Variants in USP49 observed in about 807,000 individuals in gnomAD.
USP49 encodes ubiquitin specific peptidase 49, also known as ubiquitin carboxyl-terminal hydrolase 49.
USP49 carries 24 observed loss-of-function variants against 58.6 expected under a neutral mutation model. The observed-to-expected ratio is 0.41, with a 90% CI of 0.30 to 0.58. The LOEUF is 0.58. Ranked by LOEUF, USP49 falls within the 20% of genes least tolerant of loss-of-function variation. The probability of loss-of-function intolerance (pLI) is 0.30; values close to 1 mark genes in which losing one functional copy is unlikely to be tolerated. For missense variants in USP49, 703 were observed against 866.1 expected, an observed-to-expected ratio of 0.81 and a Z score of 2.36; for synonymous variants, 408 against 365.1, an observed-to-expected ratio of 1.12 and a Z score of -1.34.
intron 3 of USP49, among the ~76,000 whole-genome samples, chr6:41,808,020 G>A (rs1360568330): frequency 6.6e-6 from 1 of 152,030 alleles, no homozygotes; most frequent in African/African-American, 2.4e-5. Context: ...TAAATGATCT[G>A]CCCGCCTCAG....
chr6:41,797,911 A>G, intron 7 of USP49: 1 of 785,548 alleles, frequency 1.3e-6, no homozygotes, highest in Non-Finnish European at 1.5e-6. Context: ...TCTGTTGCCC[A>G]GGCTAGAATG....
chr6:41,886,367 C>T (rs946984102), intron 2 of USP49: 4 of 152,170 alleles, frequency 2.6e-5, no homozygotes, highest in South Asian at 2.1e-4. Flanking sequence ...AATGCTGATT[C>T]GCTGTCAAGG....
At chr6:41,843,340 T>C (rs1773861976) in intron 3 of USP49, among the ~76,000 whole-genome samples, 1 of 152,228 alleles carries the variant, frequency 6.6e-6, no homozygotes, top group African/African-American at 2.4e-5. Flanking sequence ...GAGTTATAAT[T>C]TGTTTTACGT....
intron 5 of USP49, among the ~76,000 whole-genome samples, chr6:41,802,630 CTATT>C (rs1328972320): frequency 6.6e-6 from 1 of 151,246 alleles, no homozygotes; most frequent in Non-Finnish European, 1.5e-5. Context: ...GTAATCTAAA[CTATT>C]ATGTGACTGA....
intron 2 of USP49, among the ~76,000 whole-genome samples, chr6:41,879,474 T>C (rs578139819): frequency 4.6e-5 from 7 of 152,144 alleles, no homozygotes; most frequent in Non-Finnish European, 8.8e-5. Flanking sequence ...TGAATTGTGC[T>C]AAGACAAACC....
At chr6:41,884,445 T>C (rs1293825769) in intron 2 of USP49, among the ~76,000 whole-genome samples, 1 of 152,232 alleles carries the variant, frequency 6.6e-6, no homozygotes, top group African/African-American at 2.4e-5. Flanking sequence ...TAATGAGCAA[T>C]TTTTTAATTA....
intron 3 of USP49, among the ~76,000 whole-genome samples, chr6:41,815,885 T>C (rs756293249): frequency 6.6e-6 from 1 of 152,228 alleles, no homozygotes; most frequent in Non-Finnish European, 1.5e-5. Flanking sequence ...TGTAAGGTTA[T>C]GCCAGCATGA....
At chr6:41,867,182 C>T (rs543282945) in intron 3 of USP49, among the ~76,000 whole-genome samples, 1 of 152,188 alleles carries the variant, frequency 6.6e-6, no homozygotes, top group Non-Finnish European at 1.5e-5. Context: ...CTCCTAGTTC[C>T]TATATAAATG....
intron 3 of USP49, among the ~76,000 whole-genome samples, chr6:41,848,950 T>G (rs1015118280): frequency 9.9e-5 from 15 of 152,160 alleles, no homozygotes; most frequent in African/African-American, 3.6e-4. Flanking sequence ...CTTCTTGTCT[T>G]GGCCTGCCAA....
intron 3 of USP49, among the ~76,000 whole-genome samples, chr6:41,843,761 C>G (rs1002821925): frequency 1.3e-5 from 2 of 151,666 alleles, no homozygotes; most frequent in African/African-American, 4.8e-5. Flanking sequence ...TACAAAAAAT[C>G]GGCCGGGTGT....
intron 2 of USP49, among the ~76,000 whole-genome samples, chr6:41,881,234 T>G (rs781722350): frequency 2.3e-4 from 29 of 128,692 alleles, no homozygotes; most frequent in Middle Eastern, 5.3e-3. Flanking sequence ...GCCCGGCCCC[T>G]ACGCAGATTT....
intron 3 of USP49, among the ~76,000 whole-genome samples, chr6:41,843,388 G>A (rs1220588909): frequency 2.0e-5 from 3 of 151,996 alleles, no homozygotes; most frequent in Non-Finnish European, 4.4e-5. Flanking sequence ...GCATCATCAC[G>A]TTGGCTTTGT....
chr6:41,826,622 G>GT (rs1268848559), intron 3 of USP49, among the ~76,000 whole-genome samples: 1 of 151,828 alleles, frequency 6.6e-6, no homozygotes, highest in Non-Finnish European at 1.5e-5. Flanking sequence ...AGCAATTAAG[G>GT]TTTTATCTTC....
At chr6:41,830,829 A>C (rs948106806) in intron 3 of USP49, among the ~76,000 whole-genome samples, 1 of 149,978 alleles carries the variant, frequency 6.7e-6, no homozygotes, top group African/African-American at 2.5e-5. Flanking sequence ...TCTCAAGAGA[A>C]AAAAAAAAAA....
At position 41,793,158 on chromosome 6, in the gene USP49, ACT is replaced by A. The variant is rs1772826261; in HGVS notation, c.*3373_*3374del. ...GCCTTGCCATTAAAAACAAAAATAAACTCTGCTATTGAGTCCATAGGACACAT... is the reference window on the plus strand; with the variant it reads ...GCCTTGCCATTAAAAACAAAAATAAACTGCTATTGAGTCCATAGGACACAT... On this transcript the variant is annotated 3_prime_UTR_variant, in exon 8 of 8. Coordinates refer to ENST00000682992, the MANE Select transcript of USP49 (RefSeq NM_001286554.2). 1.3e-5 allele frequency: 2 copies of A among 151,092 alleles called. No homozygotes were observed. The highest frequency in any genetic ancestry group is 3.9e-4 in the East Asian group (2 of 5,158). 9.4% of individuals were successfully genotyped at this position (151,092 alleles called of 1,614,324 possible).
intron 3 of USP49, among the ~76,000 whole-genome samples, chr6:41,820,024 T>C (rs1182512509): frequency 6.6e-6 from 1 of 152,224 alleles, no homozygotes; most frequent in Non-Finnish European, 1.5e-5. Context: ...GGAGTGGATT[T>C]GCTCCAGATT....
At position 41,806,590 on chromosome 6, in the gene USP49, C is replaced by A. The variant is rs750669118; in HGVS notation, c.394G>T (p.Ala132Ser). The A allele has an allele frequency of 6.2e-7, 1 of 1,605,280 alleles. No homozygotes were observed. The highest frequency in any genetic ancestry group is 8.5e-7 in the Non-Finnish European group (1 of 1,177,930). ...SGEDVVLPQR[A>S]PQGQPQMLTA... Reference sequence around the variant, plus strand: ...AGCATCTGCGGCTGTCCCTGAGGAGCGCGCTGCGGCAGGACCACGTCCTCA... The same window carrying A: ...AGCATCTGCGGCTGTCCCTGAGGAGAGCGCTGCGGCAGGACCACGTCCTCA... Residue 132 changes from alanine to serine, a missense_variant, in exon 4 of 8, where the codon GCT becomes TCT. Coordinates refer to ENST00000682992, the MANE Select transcript of USP49 (RefSeq NM_001286554.2). This position sits in a 1 kb window ranked among gnomAD's most constrained non-coding sequence, Gnocchi z 5.9.
intron 3 of USP49, among the ~76,000 whole-genome samples, chr6:41,832,613 A>C (rs1188222585): frequency 6.6e-6 from 1 of 152,178 alleles, no homozygotes; most frequent in African/African-American, 2.4e-5. Context: ...TGGTGTTATT[A>C]TGAGGACTGG....
At chr6:41,811,477 T>C (rs1312936710) in intron 3 of USP49, among the ~76,000 whole-genome samples, 3 of 152,184 alleles carry the variant, frequency 2.0e-5, no homozygotes. Flanking sequence ...AAACATAGTA[T>C]ATATAGGGTT....
Sources: gnomAD v4.1 joint callset for allele counts (sites outside exome capture counted in the v4.1 genomes callset) on GRCh38, gnomAD v4.1.1 for gene constraint, Gnocchi (gnomAD v3.1) non-coding constraint, MANE v1.5 for transcripts, NCBI Gene and HGNC (gene_info 2026-07-23, HGNC 2026-07-21) for gene names.